Variants in MGAT4C observed in about 807,000 individuals in gnomAD.
The protein encoded by MGAT4C is MGAT4 family member C.
In MGAT4C, 19 loss-of-function variants were observed where a neutral mutation model predicts 40.1. That is an observed-to-expected ratio of 0.47 (90% CI 0.33 to 0.70). The LOEUF (loss-of-function observed/expected upper bound fraction) is 0.70, where lower values mean the gene tolerates loss of function less well. Among genes scored for constraint, MGAT4C ranks in the 30% least tolerant of loss-of-function variants. The pLI, the probability that MGAT4C is intolerant of heterozygous loss-of-function variation, is 0.02. For missense variants in MGAT4C, 491 were observed against 563.2 expected (o/e 0.87, Z 1.30); for synonymous variants, 181 against 187.1 (o/e 0.97, Z 0.27).
At chr12:86,384,947 A>C (rs143574158) in intron 3 of MGAT4C, among the ~76,000 whole-genome samples, 1 of 152,324 alleles carries the variant, frequency 6.6e-6, no homozygotes, top group East Asian at 1.9e-4. Flanking sequence ...GTTAATTTCT[A>C]CTAATTTCTG....
intron 2 of MGAT4C, among the ~76,000 whole-genome samples, chr12:86,653,201 T>G (rs1217473488): frequency 1.3e-5 from 2 of 151,920 alleles, no homozygotes; most frequent in Admixed American, 1.3e-4. Flanking sequence ...TGTAGTCAGA[T>G]TAAGTAATAC....
intron 2 of MGAT4C, among the ~76,000 whole-genome samples, chr12:86,022,287 A>G (rs1889811792): frequency 6.6e-6 from 1 of 152,242 alleles, no homozygotes; most frequent in African/African-American, 2.4e-5. Flanking sequence ...AATTTTTAAA[A>G]AACATTTTAA....
chr12:86,815,437 C>T (rs933381128), intron 1 of MGAT4C, among the ~76,000 whole-genome samples: 1 of 151,510 alleles, frequency 6.6e-6, no homozygotes, highest in African/African-American at 2.4e-5. Flanking sequence ...AACAGTGTGG[C>T]GATTCCTTAA....
At chr12:86,299,676 A>T in intron 4 of MGAT4C, among the ~76,000 whole-genome samples, 1 of 152,196 alleles carries the variant, frequency 6.6e-6, no homozygotes, top group East Asian at 1.9e-4. Context: ...TTTCTAATTT[A>T]CAACTGAACT....
At chr12:86,042,154 T>C (rs1043319089) in intron 2 of MGAT4C, among the ~76,000 whole-genome samples, 1 of 152,240 alleles carries the variant, frequency 6.6e-6, no homozygotes, top group Non-Finnish European at 1.5e-5. Context: ...TGTTTTCCAT[T>C]TCCTTGGCAG....
intron 2 of MGAT4C, among the ~76,000 whole-genome samples, chr12:86,710,818 A>T (rs1950543119): frequency 6.6e-6 from 1 of 152,186 alleles, no homozygotes; most frequent in South Asian, 2.1e-4. Flanking sequence ...GATGAAGAAC[A>T]TGTGGTATAT....
intron 1 of MGAT4C, among the ~76,000 whole-genome samples, chr12:86,780,071 A>G (rs1295682327): frequency 6.6e-6 from 1 of 152,082 alleles, no homozygotes; most frequent in Non-Finnish European, 1.5e-5. Flanking sequence ...TTTTTTAATT[A>G]TAGACTTATA....
chr12:86,153,054 C>T (rs1270910826), intron 1 of MGAT4C, among the ~76,000 whole-genome samples: 2 of 152,172 alleles, frequency 1.3e-5, no homozygotes, highest in Non-Finnish European at 2.9e-5. Context: ...CCAATCTGCA[C>T]CACTGATTAT....
chr12:86,804,039 G>A (rs1952291129), intron 1 of MGAT4C, among the ~76,000 whole-genome samples: 1 of 139,238 alleles, frequency 7.2e-6, no homozygotes, highest in Admixed American at 7.4e-5. Context: ...ATGATAGACT[G>A]GATTAAGAAA....
At chr12:86,206,586 T>G (rs762976531) in intron 1 of MGAT4C, among the ~76,000 whole-genome samples, 1 of 152,160 alleles carries the variant, frequency 6.6e-6, no homozygotes, top group Non-Finnish European at 1.5e-5. Context: ...TCTTATTTCT[T>G]TCAATCCTCT....
rs569181514 is a variant in MGAT4C, at chr12:86,406,973, T to G, written c.-120+28184A>C. Among the ~76,000 whole-genome samples the G allele has an allele frequency of 3.3e-5, 5 of 152,188 alleles. No individual in the cohort carries two copies. In the South Asian group the frequency reaches 1.0e-3, roughly 32 times the overall value. ...TCAGTCCCATACGATTGTCCTCATTTTAGATGCCAGTTGCAAGTAGTAGGT... is the reference window on the plus strand; with the variant it reads ...TCAGTCCCATACGATTGTCCTCATTGTAGATGCCAGTTGCAAGTAGTAGGT... On this transcript the variant is annotated intron_variant, in intron 3 of 7. Transcript: ENST00000548651.
At position 85,980,260 on chromosome 12, in the gene MGAT4C, T is replaced by C. The variant is rs748169936; in HGVS notation, c.466A>G (p.Ile156Val). The C allele has an allele frequency of 6.2e-7, 1 of 1,613,982 alleles. No individual in the cohort carries two copies. Among genetic ancestry groups the C allele is most frequent in the Non-Finnish European group, 8.5e-7 (1 of 1,179,916 alleles). Residue 156 changes from isoleucine to valine, a missense_variant, in exon 5 of 5, where the codon ATT (isoleucine) becomes GTT (valine). Ile to Val is a conservative substitution (Grantham distance 29, BLOSUM62 3). Coordinates refer to ENST00000611864, the MANE Select transcript of MGAT4C (RefSeq NM_001351288.2). ...ATATGGTGCGCAAATTTCTGTGTAATATCCTGGACCATGGCATCACGCCAG... is the reference window on the plus strand; with the variant it reads ...ATATGGTGCGCAAATTTCTGTGTAACATCCTGGACCATGGCATCACGCCAG... Reference protein sequence around the residue: ...SSWRDAMVQDITQKFAHHIIA... With the variant: ...SSWRDAMVQDVTQKFAHHIIA...
chr12:86,345,927 C>T (rs1566306880), intron 3 of MGAT4C, among the ~76,000 whole-genome samples: 1 of 152,172 alleles, frequency 6.6e-6, no homozygotes, highest in Admixed American at 6.5e-5. Context: ...TGTTTCCTGA[C>T]TTTTTAATGA....
chr12:86,732,620 G>A (rs1186963074), intron 1 of MGAT4C, among the ~76,000 whole-genome samples: 1 of 152,046 alleles, frequency 6.6e-6, no homozygotes, highest in Non-Finnish European at 1.5e-5. Context: ...TGCCAAGACA[G>A]ATCTGACAGG....
chr12:86,646,272 T>C (rs575227366), intron 2 of MGAT4C, among the ~76,000 whole-genome samples: 1 of 152,022 alleles, frequency 6.6e-6, no homozygotes, highest in South Asian at 2.1e-4. Context: ...TTTTCTTCTA[T>C]ACAAATTATT....
Position 86,198,261 on chromosome 12 carries a change from C to T in MGAT4C, c.-57+57978G>A, listed in dbSNP as rs141888081. The stretch of plus-strand genomic sequence containing the variant: ...ATAACCCATTACAAAGTCCTAAAAC[C>T]GAAATCACTTCATTTTATCAGTAGA... On this transcript the variant is annotated intron_variant, in intron 1 of 4. Transcript: ENST00000611864. 4.6e-5 allele frequency among the ~76,000 whole-genome samples: 7 copies of T among 152,210 alleles called. No individual in the cohort carries two copies. In the East Asian group the frequency reaches 1.3e-3, roughly 29 times the overall value.
chr12:86,526,495 T>G (rs1958885477), intron 2 of MGAT4C, among the ~76,000 whole-genome samples: 1 of 151,970 alleles, frequency 6.6e-6, no homozygotes, highest in Non-Finnish European at 1.5e-5. Context: ...CTGCTGGAGC[T>G]CTCTGCTGGT....
At chr12:85,982,663 C>T (rs76612650) in intron 4 of MGAT4C, among the ~76,000 whole-genome samples, 3,684 of 152,098 alleles carry the variant, frequency 0.024, 157 homozygotes, top group African/African-American at 0.084. Context: ...TTCTTGGCTC[C>T]AAATATATTT....
chr12:86,566,570 A>ATG (rs59351802), intron 2 of MGAT4C, among the ~76,000 whole-genome samples: 737 of 38,504 alleles, frequency 0.019, 10 homozygotes, highest in South Asian at 0.065. Flanking sequence ...ATATATATAT[A>ATG]TATATGTATA....
Sources: gnomAD v4.1 joint callset for allele counts (sites outside exome capture counted in the v4.1 genomes callset) on GRCh38, gnomAD v4.1.1 for gene constraint, MANE v1.5 for transcripts, NCBI Gene and HGNC (gene_info 2026-07-23, HGNC 2026-07-21) for gene names.